Variants in CLNS1A observed in about 807,000 individuals in gnomAD.
CLNS1A encodes methylosome subunit pICln.
A neutral mutation model predicts 29.4 loss-of-function variants in CLNS1A; 16 were observed. That is an observed-to-expected ratio of 0.54 (90% CI 0.37 to 0.83). The LOEUF (loss-of-function observed/expected upper bound fraction) is 0.83, where lower values mean the gene tolerates loss of function less well. Ranked by LOEUF, CLNS1A falls within the 40% of genes least tolerant of loss-of-function variation. The probability of loss-of-function intolerance (pLI) is 0.00; values close to 1 mark genes in which losing one functional copy is unlikely to be tolerated. For synonymous variants in CLNS1A, 96 were observed against 104.8 expected (o/e 0.92, Z 0.51); for missense variants, 235 against 287.4 (o/e 0.82, Z 1.32).
intron 5 of CLNS1A, among the ~76,000 whole-genome samples, chr11:77,620,754 G>A (rs1424085124): frequency 6.6e-6 from 1 of 152,124 alleles, no homozygotes; most frequent in Non-Finnish European, 1.5e-5. Flanking sequence ...GGCCAAGGCA[G>A]GCAGATCACC....
chr11:77,631,363 C>T (rs1959072066), intron 1 of CLNS1A, among the ~76,000 whole-genome samples: 1 of 151,494 alleles, frequency 6.6e-6, no homozygotes, highest in Non-Finnish European at 1.5e-5. Flanking sequence ...GGTCTGTCGC[C>T]CAGGCTGGAG....
At chr11:77,636,064 C>G (rs565052981) in intron 1 of CLNS1A, among the ~76,000 whole-genome samples, 1 of 151,992 alleles carries the variant, frequency 6.6e-6, no homozygotes, top group South Asian at 2.1e-4. Flanking sequence ...GATACACATT[C>G]TTTTTTTATT....
At chr11:77,617,310 G>A (rs1018412278) in intron 6 of CLNS1A, among the ~76,000 whole-genome samples, 4 of 147,360 alleles carry the variant, frequency 2.7e-5, no homozygotes, top group African/African-American at 7.5e-5. Context: ...CGGAGGATTC[G>A]GTGAGCCGAT....
rs1368771182 is a variant in CLNS1A at position 77,637,677 on chromosome 11, G to C, written c.38C>G (p.Ala13Gly). 1 of 1,564,994 alleles carries C rather than the reference G, an allele frequency of 6.4e-7. No homozygotes were observed. Among genetic ancestry groups the C allele is most frequent in the Non-Finnish European group, 8.7e-7 (1 of 1,155,138 alleles). The change falls in exon 1 of 7, where the codon GCG (alanine) becomes GGG (glycine). Residue 13 changes from alanine to glycine, a missense_variant. Coordinates refer to ENST00000525428, the MANE Select transcript of CLNS1A (RefSeq NM_001293.3). The stretch of plus-strand genomic sequence containing the variant: ...TGGCTGCTGCCGCAGGAGCCCCTCC[G>C]CTGGCCCAGGCGGCGGGAAACTTTT... The part of the protein sequence containing the change: ...FLKSFPPPGP[A>G]EGLLRQQPDT...
intron 1 of CLNS1A, among the ~76,000 whole-genome samples, chr11:77,630,464 T>G (rs576813915): frequency 7.2e-5 from 11 of 152,300 alleles, no homozygotes; most frequent in African/African-American, 2.6e-4. Flanking sequence ...CATTTCTCCA[T>G]GAATCCTACA....
Position 77,622,512 on chromosome 11 carries a change from T to A in CLNS1A, c.634A>T (p.Arg212Ter). The change falls in exon 5 of 7, where the codon AGA becomes TGA. Residue 212 changes from arginine to a stop codon, truncating the protein, a stop_gained. Coordinates refer to ENST00000525428, the MANE Select transcript of CLNS1A (RefSeq NM_001293.3). LOFTEE classifies it high-confidence loss of function. ...MAGVRTEDSI[R>*]DYEDGMEVDT... The stretch of plus-strand genomic sequence containing the variant: ...AAAGGACACTCACCTTCATAATCTC[T>A]TATTGAATCTTCTGTCCTGACCCCA... 6.3e-7 allele frequency: 1 copy of A among 1,594,050 alleles called. No homozygotes were observed. Among genetic ancestry groups the A allele is most frequent in the Non-Finnish European group, 8.5e-7 (1 of 1,173,706 alleles).
chr11:77,619,500 G>A (rs1202797653), intron 6 of CLNS1A, 106 bp downstream of exon 6: 2 of 755,122 alleles, frequency 2.6e-6, no homozygotes, highest in East Asian at 2.7e-5. Context: ...CTCTAGCCTG[G>A]GTGACAGAGT....
At chr11:77,627,637 C>T (rs1959033843) in intron 2 of CLNS1A, among the ~76,000 whole-genome samples, 1 of 152,172 alleles carries the variant, frequency 6.6e-6, no homozygotes, top group Non-Finnish European at 1.5e-5. Flanking sequence ...CTAAAACCTA[C>T]TGAACTGCTT....
intron 2 of CLNS1A, 145 bp from the exon 3 acceptor site, chr11:77,625,963 T>C: frequency 2.5e-6 from 2 of 802,678 alleles, no homozygotes; most frequent in Non-Finnish European, 3.8e-6. Flanking sequence ...ATTCTGATTA[T>C]ACAGTGAGCA....
At chr11:77,631,414 G>C (rs147793474) in intron 1 of CLNS1A, among the ~76,000 whole-genome samples, 2 of 150,686 alleles carry the variant, frequency 1.3e-5, no homozygotes, top group South Asian at 4.2e-4. Flanking sequence ...TCCGCCTCTC[G>C]GGTTCACGCC....
chr11:77,633,282 T>C (rs1293508140), intron 1 of CLNS1A, among the ~76,000 whole-genome samples: 1 of 152,172 alleles, frequency 6.6e-6, no homozygotes, highest in Non-Finnish European at 1.5e-5. Flanking sequence ...TTTGCTGGGA[T>C]GATTGTAATA....
Position 77,624,200 on chromosome 11 carries a change from G to C in CLNS1A, c.472+763C>G, listed in dbSNP as rs2135765732. Among the ~76,000 whole-genome samples the C allele has an allele frequency of 2.0e-5, 3 of 152,324 alleles. No individual in the cohort carries two copies. The South Asian group carries it at 6.2e-4, about 32-fold the overall frequency. On this transcript the variant is annotated intron_variant, in intron 4 of 6. Coordinates refer to ENST00000525428, the MANE Select transcript of CLNS1A (RefSeq NM_001293.3). ...GAATCATTTGAGTCCAGCAGGCAGAGGTTGCAGTGAGCAGAAATCACACCA... is the reference window on the plus strand; with the variant it reads ...GAATCATTTGAGTCCAGCAGGCAGACGTTGCAGTGAGCAGAAATCACACCA...
rs1590807918 is a variant in CLNS1A, at chr11:77,637,769, G to A, written c.-55C>T. 5.3e-6 allele frequency: 8 copies of A among 1,502,486 alleles called. No homozygotes were observed. Among genetic ancestry groups the A allele is most frequent in the Non-Finnish European group, 7.1e-6 (8 of 1,120,218 alleles). The allele number at this position is 1,502,486 out of a possible 1,614,324, so 93.1% of individuals were successfully genotyped here. On this transcript the variant is annotated 5_prime_UTR_variant, in exon 1 of 7. Transcript: ENST00000525428. ...AGGGAGTTGGAGCACAGCAATGCGT[G>A]CACCACACCGCCCGCCCTGGAAGAG...
At position 77,637,672 on chromosome 11, in the gene CLNS1A, C is replaced by A. The variant is rs1320975950; in HGVS notation, c.43G>T (p.Gly15Trp). ...KSFPPPGPAE[G>W]LLRQQPDTEA... ...GTGTCTGGCTGCTGCCGCAGGAGCCCCTCCGCTGGCCCAGGCGGCGGGAAA... is the reference window on the plus strand; with the variant it reads ...GTGTCTGGCTGCTGCCGCAGGAGCCACTCCGCTGGCCCAGGCGGCGGGAAA... The change falls in exon 1 of 7, where the codon GGG becomes TGG. Residue 15 changes from glycine (G) to tryptophan (W), a missense_variant. Coordinates refer to ENST00000525428, the MANE Select transcript of CLNS1A (RefSeq NM_001293.3). 2 of 1,568,062 alleles carry A rather than the reference C, an allele frequency of 1.3e-6. No individual in the cohort carries two copies. The highest frequency in any genetic ancestry group is 1.7e-6 in the Non-Finnish European group (2 of 1,156,886).
intron 1 of CLNS1A, among the ~76,000 whole-genome samples, chr11:77,634,929 G>A (rs1959109123): frequency 6.6e-6 from 1 of 151,984 alleles, no homozygotes; most frequent in East Asian, 1.9e-4. Context: ...CATAGTAACT[G>A]CCACTACAGG....
intron 1 of CLNS1A, among the ~76,000 whole-genome samples, chr11:77,633,600 C>T (rs1281566878): frequency 6.6e-6 from 1 of 151,644 alleles, no homozygotes; most frequent in Non-Finnish European, 1.5e-5. Context: ...ATTCCCAGCA[C>T]GGGATGAAAA....
Position 77,619,658 on chromosome 11 carries a change from TC to T in CLNS1A, c.683del (p.Gly228AspfsTer80). Reference sequence around the variant, plus strand: ...GATCAACATCTGCATCCTCAAACTGTCCAGCAACTGTTGGTGTGGTATCCAC... The same window carrying T: ...GATCAACATCTGCATCCTCAAACTGTCAGCAACTGTTGGTGTGGTATCCAC... ...MEVDTTPTVAGQFEDADVDH is the reference protein window; with the variant it reads ...MEVDTTPTVAXQFEDADVDH On this transcript the variant is annotated frameshift_variant, in exon 6 of 7. Transcript: ENST00000525428. LOFTEE classifies it high-confidence loss of function. 6.2e-7 allele frequency: 1 copy of T among 1,614,006 alleles called. No homozygotes were observed. Among genetic ancestry groups the T allele is most frequent in the South Asian group, 1.1e-5 (1 of 91,072 alleles).
At position 77,616,344 on chromosome 11, in the gene CLNS1A, C is replaced by T. The variant is rs1958905328; in HGVS notation, c.*374G>A. The T allele has an allele frequency of 6.6e-6, 1 of 152,366 alleles. No individual in the cohort carries two copies. The highest frequency in any genetic ancestry group is 1.5e-5 in the Non-Finnish European group (1 of 68,046). The allele number at this position is 152,366 out of a possible 1,614,324, so 9.4% of individuals were successfully genotyped here. Reference sequence around the variant, plus strand: ...TAAAACATGGCGAAAGGAGCTCTCTCTTTCCCCCGCAGTCTACCAAGCTCC... The same window carrying T: ...TAAAACATGGCGAAAGGAGCTCTCTTTTTCCCCCGCAGTCTACCAAGCTCC... On this transcript the variant is annotated 3_prime_UTR_variant, in exon 7 of 7. Transcript: ENST00000525428.
In CLNS1A at chr11:77,619,694, A is replaced by C. The variant is rs781492881; in HGVS notation, c.648T>G (p.Asp216Glu). 6.2e-7 allele frequency: 1 copy of C among 1,612,108 alleles called. No individual in the cohort carries two copies. Among genetic ancestry groups the C allele is most frequent in the East Asian group, 2.2e-5 (1 of 44,860 alleles). Residue 216 changes from aspartate (D) to glutamate (E), a missense_variant and splice_region_variant, in exon 6 of 7, where the codon GAT becomes GAG. By Grantham distance (45) the Asp-to-Glu change is conservative (BLOSUM62 2). Coordinates refer to ENST00000525428, the MANE Select transcript of CLNS1A (RefSeq NM_001293.3). ...TTGGTGTGGTATCCACCTCCATCCCATCTAAACAAAAAAATTAATTACTGA... is the reference window on the plus strand; with the variant it reads ...TTGGTGTGGTATCCACCTCCATCCCCTCTAAACAAAAAAATTAATTACTGA... ...RTEDSIRDYE[D>E]GMEVDTTPTV...
Sources: gnomAD v4.1 joint callset for allele counts (sites outside exome capture counted in the v4.1 genomes callset) on GRCh38, gnomAD v4.1.1 for gene constraint, MANE v1.5 for transcripts, NCBI Gene and HGNC (gene_info 2026-07-23, HGNC 2026-07-21) for gene names.